Variants in FBXL16 observed in about 807,000 individuals in gnomAD.
The protein encoded by FBXL16 is F-box and leucine rich repeat protein 16, also known as F-box/LRR-repeat protein 16.
Under a neutral mutation model 36.7 loss-of-function variants are expected in FBXL16, and 7 were observed. The ratio of observed to expected loss-of-function variants is 0.19; its 90% CI spans 0.11 to 0.36. FBXL16 has a LOEUF of 0.36. FBXL16 is among the 10% of genes least tolerant of loss of function. The pLI is 1.00. For missense variants in FBXL16, 463 were observed against 659.4 expected, an observed-to-expected ratio of 0.70 and a Z score of 3.26; for synonymous variants, 355 against 308.7, an observed-to-expected ratio of 1.15 and a Z score of -1.57.
chr16:704,700 CGGGTGT>C (rs1454016135), intron 1 of FBXL16, among the ~76,000 whole-genome samples: 1 of 152,348 alleles, frequency 6.6e-6, no homozygotes, highest in East Asian at 1.9e-4. Flanking sequence ...CTCGGATGCA[CGGGTGT>C]GGGGGAAGGG....
intron 1 of FBXL16, among the ~76,000 whole-genome samples, chr16:701,270 G>T (rs1455879497): frequency 6.6e-6 from 1 of 152,166 alleles, no homozygotes; most frequent in East Asian, 1.9e-4. Context: ...ATCCACACCC[G>T]CAGCGCTGCC....
chr16:695,956 A>G (rs1292338124), intron 2 of FBXL16, 33 bp from the exon 3 acceptor site: 29 of 1,551,716 alleles, frequency 1.9e-5, no homozygotes, highest in Non-Finnish European at 2.4e-5. Flanking sequence ...TCAGGATTGC[A>G]GGAGAAGGGG....
chr16:696,615 CTT>C (rs1292676893), intron 2 of FBXL16, among the ~76,000 whole-genome samples, 156 bp downstream of exon 2: 17 of 143,852 alleles, frequency 1.2e-4, no homozygotes, highest in African/African-American at 3.5e-4. Flanking sequence ...TCTTGAGTGT[CTT>C]TGAACAAGGG....
At chr16:699,329 G>C (rs764930600) in intron 1 of FBXL16, among the ~76,000 whole-genome samples, 34 of 152,240 alleles carry the variant, frequency 2.2e-4, no homozygotes, top group Admixed American at 3.9e-4. Context: ...ACTGGGCACA[G>C]CCACGGAAAG....
In FBXL16 at chr16:705,691, G is replaced by T. The variant is rs1394167711; in HGVS notation, c.-194C>A. On this transcript the variant is annotated 5_prime_UTR_variant, in exon 1 of 6. Coordinates refer to ENST00000397621, the MANE Select transcript of FBXL16 (RefSeq NM_153350.4). ...GGGCCCCCTCGGCAGCGCACGGAAA[G>T]GAGCTCCCCGGTGGGAGAGGATCGG... The T allele has an allele frequency of 2.0e-5, 3 of 148,762 alleles. No homozygotes were observed. The highest frequency in any genetic ancestry group is 4.5e-5 in the Non-Finnish European group (3 of 66,730). The allele number at this position is 148,762 out of a possible 1,614,324, so 9.2% of individuals were successfully genotyped here.
At chr16:703,063 C>G (rs2040068263) in intron 1 of FBXL16, among the ~76,000 whole-genome samples, 1 of 152,196 alleles carries the variant, frequency 6.6e-6, no homozygotes, top group South Asian at 2.1e-4. Flanking sequence ...AGGATTGGCT[C>G]CAAAAGCCCC....
rs1054208868 is a variant in FBXL16, at chr16:705,756, C to G, written c.-259G>C. On this transcript the variant is annotated 5_prime_UTR_variant, in exon 1 of 6. Coordinates refer to ENST00000397621, the MANE Select transcript of FBXL16 (RefSeq NM_153350.4). ...CCACCGGGGAGGCTGAGGCTGTGCC[C>G]AGATAAATAAGGCCGCTTTGCAGGG... 1.3e-5 allele frequency: 2 copies of G among 148,792 alleles called. No homozygotes were observed. The highest frequency in any genetic ancestry group is 3.0e-5 in the Non-Finnish European group (2 of 66,774). 9.2% of individuals were successfully genotyped at this position (148,792 alleles called of 1,614,324 possible).
At chr16:695,226 G>C (rs1310445232) in intron 3 of FBXL16, 150 bp from the exon 4 acceptor site, 6 of 1,155,388 alleles carry the variant, frequency 5.2e-6, no homozygotes, top group Non-Finnish European at 7.2e-6. Context: ...CGGGAAGGAC[G>C]GGGGTCCAGC....
Position 695,429 on chromosome 16 carries a change from C to A in FBXL16, c.1128G>T (p.Glu376Asp). 1 of 1,537,770 alleles carries A rather than the reference C, an allele frequency of 6.5e-7. No homozygotes were observed. The highest frequency in any genetic ancestry group is 8.7e-7 in the Non-Finnish European group (1 of 1,147,560). ...YVACDLHRLE[E>D]LVLDRCVRIT... Reference sequence around the variant, plus strand: ...GGGGCGCGCACCTGTCGAGCACGAGCTCCTCTAGGCGGTGCAGGTCGCAGG... The same window carrying A: ...GGGGCGCGCACCTGTCGAGCACGAGATCCTCTAGGCGGTGCAGGTCGCAGG... Residue 376 changes from glutamate to aspartate, a missense_variant, in exon 3 of 6, where the codon GAG (glutamate) becomes GAT (aspartate). Transcript: ENST00000397621.
intron 1 of FBXL16, among the ~76,000 whole-genome samples, chr16:699,321 TGGGCACAGCCAC>T: frequency 6.6e-6 from 1 of 152,334 alleles, no homozygotes; most frequent in African/African-American, 2.4e-5. Flanking sequence ...CAGGGGGCAC[TGGGCACAGCCAC>T]GGAAAGAAGC....
At position 697,682 on chromosome 16, in the gene FBXL16, T is replaced by C. The variant is rs1236744098; in HGVS notation, c.-14-263A>G. Among the ~76,000 whole-genome samples, 1 of 152,058 alleles carries C rather than the reference T, an allele frequency of 6.6e-6. No homozygotes were observed. The highest frequency in any genetic ancestry group is 1.5e-5 in the Non-Finnish European group (1 of 67,996). ...CCTTCATTGCCCATGGACACCCTCT[T>C]TTTCTTTTGTTTTTTTTCTTTTTGA... On this transcript the variant is annotated intron_variant, in intron 1 of 5. Transcript: ENST00000397621. The surrounding 1 kb of genome is among the most constrained non-coding windows in gnomAD (Gnocchi z 4.6).
chr16:694,880 G>A, intron 4 of FBXL16, 112 bp downstream of exon 4: 1 of 1,292,470 alleles, frequency 7.7e-7, no homozygotes, highest in Admixed American at 2.5e-5. Context: ...TAGGTCGGCT[G>A]CTGGATAGGG....
chr16:694,717 G>A lies in FBXL16; in HGVS notation c.1228-20C>T, dbSNP rs971564226. The A allele has an allele frequency of 2.9e-5, 47 of 1,594,864 alleles. No homozygotes were observed. The highest frequency in any genetic ancestry group is 4.0e-5 in the African/African-American group (3 of 74,656). On this transcript the variant is annotated intron_variant, in intron 4 of 5. Coordinates refer to ENST00000397621, the MANE Select transcript of FBXL16 (RefSeq NM_153350.4). ...TTGCACCTGTCGGGAGTGGAGGAGCGACTTAACGATTTCCGCTCGCACCGA... is the reference window on the plus strand; with the variant it reads ...TTGCACCTGTCGGGAGTGGAGGAGCAACTTAACGATTTCCGCTCGCACCGA...
In FBXL16 at chr16:697,449, G is replaced by A. The variant is rs1422861181; in HGVS notation, c.-14-30C>T. ...GGATGAGGGCCGGGAGGGGGAGTGA[G>A]TCTGTTGCTGAGTCTGGAAGGCCGG... On this transcript the variant is annotated intron_variant, in intron 1 of 5. Coordinates refer to ENST00000397621, the MANE Select transcript of FBXL16 (RefSeq NM_153350.4). This position sits in a 1 kb window ranked among gnomAD's most constrained non-coding sequence, Gnocchi z 4.6. 1.3e-6 allele frequency: 2 copies of A among 1,502,580 alleles called. No homozygotes were observed. Among genetic ancestry groups the A allele is most frequent in the Non-Finnish European group, 1.8e-6 (2 of 1,128,738 alleles). 93.1% of individuals were successfully genotyped at this position (1,502,580 alleles called of 1,614,324 possible).
At chr16:699,032 T>C (rs549160576) in intron 1 of FBXL16, among the ~76,000 whole-genome samples, 1 of 151,978 alleles carries the variant, frequency 6.6e-6, no homozygotes, top group African/African-American at 2.4e-5. Flanking sequence ...GGTGCCAGCA[T>C]GGTTAGCCCT....
intron 1 of FBXL16, among the ~76,000 whole-genome samples, chr16:698,034 G>T (rs1020935288): frequency 1.3e-5 from 2 of 151,686 alleles, no homozygotes; most frequent in African/African-American, 4.8e-5. Flanking sequence ...CACTCTTGTT[G>T]CCTGGAGCGC....
At chr16:705,182 G>C (rs1306849544) in intron 1 of FBXL16, among the ~76,000 whole-genome samples, 1 of 152,120 alleles carries the variant, frequency 6.6e-6, no homozygotes, top group Non-Finnish European at 1.5e-5. Context: ...CCTCTGAGCC[G>C]ACCAGGCGCC....
In FBXL16 at chr16:696,808, G is replaced by T; in HGVS notation, c.598C>A (p.Leu200Ile). The T allele has an allele frequency of 7.0e-7, 1 of 1,429,826 alleles. No individual in the cohort carries two copies. Among genetic ancestry groups the T allele is most frequent in the Non-Finnish European group, 9.1e-7 (1 of 1,098,200 alleles). The allele number at this position is 1,429,826 out of a possible 1,614,324, so 88.6% of individuals were successfully genotyped here. The change falls in exon 2 of 6, where the codon CTC becomes ATC. Residue 200 changes from leucine (L) to isoleucine (I), a missense_variant. Leu to Ile is a conservative substitution (Grantham distance 5). Transcript: ENST00000397621. ...GCGTCCGTGATGGTGGAGCGCTTGA[G>T]GCTCATGGCTTTGACACCCTTCTTG... ...LSKKGVKAMSLKRSTITDAGL... is the reference protein window; with the variant it reads ...LSKKGVKAMSIKRSTITDAGL...
At position 697,993 on chromosome 16, in the gene FBXL16, C is replaced by A. The variant is rs188735995; in HGVS notation, c.-14-574G>T. 5.3e-4 allele frequency among the ~76,000 whole-genome samples: 79 copies of A among 149,934 alleles called. 1 individual carries two copies. The East Asian group carries it at 0.013, about 25-fold the overall frequency. ...CCAGCCTGGGCAACTGAGCAAGACT[C>A]TGTCTCAAAAAAAAAAAAAAGAAAC... On this transcript the variant is annotated intron_variant, in intron 1 of 5. Coordinates refer to ENST00000397621, the MANE Select transcript of FBXL16 (RefSeq NM_153350.4). The surrounding 1 kb of genome is among the most constrained non-coding windows in gnomAD (Gnocchi z 4.6).
Sources: gnomAD v4.1 joint callset for allele counts (sites outside exome capture counted in the v4.1 genomes callset) on GRCh38, gnomAD v4.1.1 for gene constraint, Gnocchi (gnomAD v3.1) non-coding constraint, MANE v1.5 for transcripts, NCBI Gene and HGNC (gene_info 2026-07-23, HGNC 2026-07-21) for gene names.